The following SYN3 variants were observed in gnomAD, a reference collection of about 807,000 sequenced individuals.
SYN3 encodes synapsin-3.
SYN3 carries 35 observed loss-of-function variants against 65.8 expected under a neutral mutation model. The ratio of observed to expected loss-of-function variants is 0.53; its 90% CI spans 0.41 to 0.70. SYN3 has a LOEUF of 0.70. Among genes scored for constraint, SYN3 ranks in the 30% least tolerant of loss-of-function variants. The probability of loss-of-function intolerance (pLI) is 0.00; values close to 1 mark genes in which losing one functional copy is unlikely to be tolerated. For missense variants in SYN3, 680 were observed against 749.0 expected (o/e 0.91, Z 1.08); for synonymous variants, 270 against 292.9 (o/e 0.92, Z 0.80).
chr22:32,828,346 G>A (rs2047474460), intron 6 of SYN3, among the ~76,000 whole-genome samples: 1 of 152,204 alleles, frequency 6.6e-6, no homozygotes, highest in Non-Finnish European at 1.5e-5. Flanking sequence ...ATTCTTTTAT[G>A]TTGATGTGAA....
chr22:33,044,537 A>G (rs946998048), intron 1 of SYN3, among the ~76,000 whole-genome samples: 92 of 152,042 alleles, frequency 6.1e-4, no homozygotes, highest in Admixed American at 8.5e-4. Context: ...ACCTCACCCA[A>G]CATAAGCTTA....
At chr22:32,525,729 T>C (rs1395280213) in intron 12 of SYN3, among the ~76,000 whole-genome samples, 1 of 150,998 alleles carries the variant, frequency 6.6e-6, no homozygotes, top group Non-Finnish European at 1.5e-5. Context: ...AAAAAAATGC[T>C]ATGAAGATTG....
At chr22:32,664,541 T>G (rs2060261526) in intron 6 of SYN3, among the ~76,000 whole-genome samples, 1 of 148,562 alleles carries the variant, frequency 6.7e-6, no homozygotes. Context: ...GAGATTTTGG[T>G]GCACCTGTCA....
intron 6 of SYN3, among the ~76,000 whole-genome samples, chr22:32,779,244 G>C (rs910210744): frequency 1.3e-5 from 2 of 152,156 alleles, no homozygotes; most frequent in Admixed American, 6.5e-5. Flanking sequence ...TGGATCACTT[G>C]AGGTCAGGAG....
chr22:32,786,018 GAA>G (rs5845032), intron 6 of SYN3, among the ~76,000 whole-genome samples: 5 of 134,748 alleles, frequency 3.7e-5, no homozygotes, highest in African/African-American at 1.1e-4. Flanking sequence ...AGAAGAAGAA[GAA>G]AAAAAAAATA....
At chr22:32,755,864 A>G (rs1445998856) in intron 6 of SYN3, among the ~76,000 whole-genome samples, 4 of 152,168 alleles carry the variant, frequency 2.6e-5, no homozygotes, top group Non-Finnish European at 4.4e-5. Context: ...AACGTGGCCC[A>G]TATGCACCAT....
chr22:32,875,783 C>T (rs1215861336), intron 4 of SYN3, among the ~76,000 whole-genome samples: 1 of 152,148 alleles, frequency 6.6e-6, no homozygotes. Flanking sequence ...AGGATCCTCC[C>T]CTGGAGCCTT....
At chr22:32,583,746 T>G (rs1359068013) in intron 7 of SYN3, 1 of 152,148 alleles carries the variant, frequency 6.6e-6, no homozygotes, top group African/African-American at 2.4e-5. Flanking sequence ...GCCCACTTCC[T>G]TGTAACTGAG....
chr22:32,772,254 TTTTTC>T (rs900357078), intron 6 of SYN3, among the ~76,000 whole-genome samples: 3 of 147,518 alleles, frequency 2.0e-5, no homozygotes, highest in South Asian at 4.2e-4. Flanking sequence ...TTCTTCTTTC[TTTTTC>T]TTTTCTTTTT....
intron 3 of SYN3, among the ~76,000 whole-genome samples, chr22:32,955,440 A>T (rs1315550878): frequency 6.6e-6 from 1 of 152,194 alleles, no homozygotes; most frequent in East Asian, 1.9e-4. Context: ...GGCATGAGCC[A>T]TGCGGACACC....
At chr22:33,024,394 A>C (rs937668640) in intron 1 of SYN3, among the ~76,000 whole-genome samples, 3 of 152,190 alleles carry the variant, frequency 2.0e-5, no homozygotes, top group Non-Finnish European at 4.4e-5. Flanking sequence ...ACAAGCTGGA[A>C]AAGTAGTAGC....
intron 6 of SYN3, among the ~76,000 whole-genome samples, chr22:32,729,007 G>A (rs963093457): frequency 6.6e-6 from 1 of 152,202 alleles, no homozygotes; most frequent in East Asian, 1.9e-4. Flanking sequence ...GTGGGCCCAG[G>A]ATACGTGGGG....
At chr22:32,767,675 CTTTCT>C (rs1296620942) in intron 6 of SYN3, among the ~76,000 whole-genome samples, 4 of 152,170 alleles carry the variant, frequency 2.6e-5, no homozygotes, top group Non-Finnish European at 4.4e-5. Flanking sequence ...CCGGTATCAG[CTTTCT>C]TTTCTTTTAT....
intron 6 of SYN3, among the ~76,000 whole-genome samples, chr22:32,734,673 A>C (rs1215661591): frequency 1.3e-5 from 2 of 152,160 alleles, no homozygotes; most frequent in Non-Finnish European, 2.9e-5. Context: ...AGATGAAGAG[A>C]AAGTCCTGAC....
At chr22:32,815,078 AC>A (rs2047052772) in intron 6 of SYN3, among the ~76,000 whole-genome samples, 1 of 152,226 alleles carries the variant, frequency 6.6e-6, no homozygotes, top group Admixed American at 6.5e-5. Context: ...CGTTTCAGCT[AC>A]CTGTGGTTAG....
chr22:32,830,889 C>T (rs149753065), intron 6 of SYN3, among the ~76,000 whole-genome samples: 146 of 152,326 alleles, frequency 9.6e-4, no homozygotes, highest in African/African-American at 3.2e-3. Flanking sequence ...ACCCAGAACA[C>T]CGCGATCTGC....
chr22:32,902,871 CAAA>C (rs1158432098), intron 4 of SYN3, among the ~76,000 whole-genome samples: 5 of 127,492 alleles, frequency 3.9e-5, no homozygotes, highest in African/African-American at 2.8e-5. Flanking sequence ...CCCCTGGAGA[CAAA>C]AAAAAAAAAA....
At chr22:33,025,069 G>A (rs2053617362) in intron 1 of SYN3, among the ~76,000 whole-genome samples, 1 of 152,194 alleles carries the variant, frequency 6.6e-6, no homozygotes, top group Admixed American at 6.5e-5. Flanking sequence ...GGTGGGCACA[G>A]TGGCTCATGC....
chr22:32,727,376 T>C lies in SYN3; in HGVS notation c.712-130640A>G, dbSNP rs143202851. Among the ~76,000 whole-genome samples, 1,274 of 152,342 alleles carry C rather than the reference T, an allele frequency of 8.4e-3. 16 individuals are homozygous for C. Among genetic ancestry groups the C allele is most frequent in the African/African-American group, 0.03 (1,238 of 41,566 alleles). On this transcript the variant is annotated intron_variant, in intron 6 of 13. Transcript: ENST00000358763. ...GTGTATATGTACCACATTTTCCTTA[T>C]CCAGTCTACCATTGATGGGCATTTA...
Sources: gnomAD v4.1 joint callset for allele counts (sites outside exome capture counted in the v4.1 genomes callset) on GRCh38, gnomAD v4.1.1 for gene constraint, MANE v1.5 for transcripts, NCBI Gene and HGNC (gene_info 2026-07-23, HGNC 2026-07-21) for gene names.